The following CDKL5 variants were observed in gnomAD, a reference collection of about 807,000 sequenced individuals.
CDKL5 encodes the protein cyclin dependent kinase like 5.
In CDKL5, 8 loss-of-function variants were observed where a neutral mutation model predicts 61.7. The observed-to-expected ratio is 0.13, with a 90% confidence interval of 0.08 to 0.23. The LOEUF (loss-of-function observed/expected upper bound fraction) is 0.23. CDKL5 is among the 10% of genes least tolerant of loss of function. The pLI, the probability that CDKL5 is intolerant of heterozygous loss-of-function variation, is 1.00. For missense variants in CDKL5, 440 were observed against 734.5 expected (o/e 0.60, Z 4.63); for synonymous variants, 275 against 272.3 (o/e 1.01, Z -0.10).
At chrX:18,428,054 T>C (rs868768074) in intron 1 of CDKL5, among the ~76,000 whole-genome samples, 1 of 111,985 alleles carries the variant, frequency 8.9e-6, no homozygotes, top group Middle Eastern at 4.6e-3. Flanking sequence ...GTTGCAAATA[T>C]GCTGCTTGGG....
chrX:18,448,750 G>A (rs1356209427), intron 1 of CDKL5, among the ~76,000 whole-genome samples: 2 of 112,373 alleles, frequency 1.8e-5, no homozygotes, highest in East Asian at 5.6e-4. Context: ...CAGCTCTTCA[G>A]TTGTTTCTTT....
At chrX:18,560,168 A>T (rs1363966150) in intron 3 of CDKL5, among the ~76,000 whole-genome samples, 1 of 111,374 alleles carries the variant, frequency 9.0e-6, no homozygotes, top group African/African-American at 3.3e-5. Flanking sequence ...TGGCTGGGTC[A>T]AATGGTATTT....
rs1014141972 is a variant in CDKL5, at chrX:18,629,146, G to C, written c.*389G>C. The C allele has an allele frequency of 2.6e-6, 2 of 770,015 alleles. No individual in the cohort carries two copies. Among genetic ancestry groups the C allele is most frequent in the African/African-American group, 4.6e-5 (2 of 43,662 alleles). 63.5% of individuals were successfully genotyped at this position (770,015 alleles called of 1,213,427 possible). On this transcript the variant is annotated 3_prime_UTR_variant, in exon 18 of 18. Transcript: ENST00000623535. ...GGATAGGAAAGTCGTGTTGACCGAT[G>C]CCCTTACTACATATTTTTTTCTGCC...
At chrX:18,644,359 G>A (rs192929233), downstream of CDKL5, 23 of 992,322 alleles carry the variant, frequency 2.3e-5, no homozygotes, top group African/African-American at 4.2e-4. Flanking sequence ...GGCAGTGACA[G>A]GAGCTCGGGG....
At chrX:18,551,438 T>A (rs1288741748) in intron 3 of CDKL5, among the ~76,000 whole-genome samples, 2 of 109,069 alleles carry the variant, frequency 1.8e-5, no homozygotes, top group African/African-American at 6.7e-5. Context: ...TGTGGGTTTG[T>A]TTGCATTTAT....
chrX:18,546,091 C>T (rs1215913386), intron 3 of CDKL5, among the ~76,000 whole-genome samples: 2 of 110,694 alleles, frequency 1.8e-5, no homozygotes, highest in Non-Finnish European at 3.8e-5. Flanking sequence ...TATGGTGGCA[C>T]AGAAATTGGG....
chrX:18,557,139 T>C (rs1001709735), intron 3 of CDKL5, among the ~76,000 whole-genome samples: 1 of 111,522 alleles, frequency 9.0e-6, no homozygotes, highest in African/African-American at 3.3e-5. Flanking sequence ...AGAAAATGAA[T>C]TGTAGACTAT....
At position 18,450,021 on chromosome X, in the gene CDKL5, T is replaced by C. The variant is rs758285301; in HGVS notation, c.-163+24326T>C. On this transcript the variant is annotated intron_variant, in intron 1 of 17. Coordinates refer to ENST00000623535, the MANE Select transcript of CDKL5 (RefSeq NM_001323289.2). The stretch of plus-strand genomic sequence containing the variant: ...TGTTGGCCAGGATGGTCTCGATCTC[T>C]TGACCTCGTGATCTGCCCGCCTCGG... Among the ~76,000 whole-genome samples the C allele has an allele frequency of 3.6e-5, 4 of 112,037 alleles. No individual in the cohort carries two copies. The East Asian group carries it at 1.1e-3, about 32-fold the overall frequency.
At position 18,579,915 on chromosome X, in the gene CDKL5, A is replaced by G. The variant is rs1189749755; in HGVS notation, c.350A>G (p.Tyr117Cys). 1 of 1,198,427 alleles carries G rather than the reference A, an allele frequency of 8.3e-7. No homozygotes were observed. Residue 117 changes from tyrosine (Y) to cysteine (C), a missense_variant, in exon 6 of 18, where the codon TAT becomes TGT. Physicochemically the swap from Tyr to Cys is radical, Grantham distance 194. Transcript: ENST00000623535. The part of the protein sequence containing the change: ...VPPEKVKSYI[Y>C]QLIKAIHWCH... ...CCTGAGAAAGTAAAAAGCTACATCT[A>G]TCAGCTAATCAAGGCTATTCACTGG... is the stretch of plus-strand genomic sequence containing the variant.
At chrX:18,532,181 G>A (rs1923672884) in intron 3 of CDKL5, among the ~76,000 whole-genome samples, 1 of 111,972 alleles carries the variant, frequency 8.9e-6, no homozygotes, top group African/African-American at 3.2e-5. Flanking sequence ...TAGCTGAAAT[G>A]ACTCATTCCC....
chrX:18,486,561 T>C (rs1245702488), intron 1 of CDKL5, among the ~76,000 whole-genome samples: 1 of 112,368 alleles, frequency 8.9e-6, no homozygotes, highest in African/African-American at 3.2e-5. Flanking sequence ...GTTATGAAAT[T>C]GGGCAATTAA....
chrX:18,533,709 T>A (rs1923725863), intron 3 of CDKL5, among the ~76,000 whole-genome samples: 2 of 111,625 alleles, frequency 1.8e-5, no homozygotes, highest in African/African-American at 6.5e-5. Flanking sequence ...CAGATACCCT[T>A]GGAAAATGCC....
chrX:18,574,789 G>A (rs1312831561), intron 4 of CDKL5, among the ~76,000 whole-genome samples: 1 of 112,021 alleles, frequency 8.9e-6, no homozygotes, highest in African/African-American at 3.2e-5. Context: ...ACTTGGCTGT[G>A]ACTTGAATTG....
chrX:18,597,827 G>A (rs781507874), intron 10 of CDKL5, among the ~76,000 whole-genome samples: 8 of 110,224 alleles, frequency 7.3e-5, no homozygotes, highest in Non-Finnish European at 1.5e-4. Flanking sequence ...AACTCCTGAC[G>A]TCAGATGATC....
intron 17 of CDKL5, 110 bp from the exon 18 acceptor site, chrX:18,628,261 C>A: frequency 1.3e-6 from 1 of 776,345 alleles, no homozygotes; most frequent in Non-Finnish European, 2.0e-6. Context: ...CTTGCACATG[C>A]TTGCCCTTCC....
chrX:18,567,891 A>C (rs947353532), intron 4 of CDKL5, among the ~76,000 whole-genome samples: 3 of 111,453 alleles, frequency 2.7e-5, no homozygotes, highest in African/African-American at 9.8e-5. Flanking sequence ...TCTCCAAAAA[A>C]AGGCTTTACT....
chrX:18,438,789 CA>C (rs1196032367), intron 1 of CDKL5, among the ~76,000 whole-genome samples: 424 of 29,421 alleles, frequency 0.014, 2 homozygotes, highest in Middle Eastern at 0.066. Flanking sequence ...ACCTCCGTCT[CA>C]AAAAAAAAAA....
At chrX:18,644,596 C>T, downstream of CDKL5, 1 of 1,211,737 alleles carries the variant, frequency 8.3e-7, no homozygotes. Context: ...CCACTGGCTA[C>T]TGTCCTGGAA....
intron 3 of CDKL5, among the ~76,000 whole-genome samples, chrX:18,532,138 G>A (rs1361684002): frequency 3.6e-5 from 4 of 112,228 alleles, no homozygotes; most frequent in Admixed American, 9.4e-5. Context: ...TATTCAGCAA[G>A]AGGTTTTTTA....
Sources: gnomAD v4.1 joint callset for allele counts (sites outside exome capture counted in the v4.1 genomes callset) on GRCh38, gnomAD v4.1.1 for gene constraint, MANE v1.5 for transcripts, NCBI Gene and HGNC (gene_info 2026-07-23, HGNC 2026-07-21) for gene names.